Variants in ZC3H7A observed in about 807,000 individuals in gnomAD.
ZC3H7A encodes the protein zinc finger CCCH domain-containing protein 7A.
Under a neutral mutation model 125.5 loss-of-function variants are expected in ZC3H7A, and 44 were observed. The observed-to-expected ratio is 0.35, with a 90% CI of 0.28 to 0.45. ZC3H7A has a LOEUF of 0.45. Among genes scored for constraint, ZC3H7A ranks in the 20% least tolerant of loss-of-function variants. ZC3H7A has a pLI of 1.00. For synonymous variants in ZC3H7A, 399 were observed against 391.2 expected (o/e 1.02, Z -0.23); for missense variants, 977 against 1,170.7 (o/e 0.83, Z 2.41).
chr16:11,763,710 AATATATATATATATATATATATATATAT>A (rs55932357), intron 15 of ZC3H7A, 51 bp from the exon 16 acceptor site: 2,469 of 229,002 alleles, frequency 0.011, 143 homozygotes, highest in East Asian at 0.085. Flanking sequence ...AGATTTTTCA[AATATATATATATATATATATATATATAT>A]ATATATATAT....
intron 1 of ZC3H7A, among the ~76,000 whole-genome samples, chr16:11,788,573 TC>T (rs77870570): frequency 0.18 from 26,856 of 151,668 alleles, 3,166 homozygotes; most frequent in East Asian, 0.48. Context: ...GTTACCAGTC[TC>T]AGAAAAGTCC....
chr16:11,783,051 AC>A (rs1327939054), intron 1 of ZC3H7A: 6 of 152,128 alleles, frequency 3.9e-5, no homozygotes, highest in African/African-American at 1.5e-4. Flanking sequence ...CCCTGTCTAC[AC>A]GCACGCATAA....
chr16:11,788,042 T>C (rs532910734), intron 1 of ZC3H7A, among the ~76,000 whole-genome samples: 1 of 151,944 alleles, frequency 6.6e-6, no homozygotes, highest in Non-Finnish European at 1.5e-5. Context: ...CGTTTAAAAA[T>C]ATACTATCTT....
chr16:11,766,467 G>C (rs1202130493), intron 13 of ZC3H7A, among the ~76,000 whole-genome samples: 2 of 152,212 alleles, frequency 1.3e-5, no homozygotes. Flanking sequence ...CGGTAGCTGA[G>C]TCATGAGAAA....
At chr16:11,783,714 T>C (rs1296418069) in intron 1 of ZC3H7A, among the ~76,000 whole-genome samples, 4 of 152,206 alleles carry the variant, frequency 2.6e-5, no homozygotes, top group African/African-American at 4.8e-5. Context: ...CCACTCATGT[T>C]TGAAGTACAT....
intron 1 of ZC3H7A, among the ~76,000 whole-genome samples, chr16:11,791,168 GT>G (rs2141221932): frequency 6.6e-6 from 1 of 150,410 alleles, no homozygotes; most frequent in Non-Finnish European, 1.5e-5. Flanking sequence ...CCCTTCAGCA[GT>G]TGCTTGGGAC....
chr16:11,794,425 T>G (rs1459640804), intron 1 of ZC3H7A, among the ~76,000 whole-genome samples: 1 of 152,220 alleles, frequency 6.6e-6, no homozygotes, highest in Non-Finnish European at 1.5e-5. Flanking sequence ...AACTTCTGGA[T>G]TAATACTTTA....
At chr16:11,760,138 A>AAG (rs1182089500) in intron 19 of ZC3H7A, among the ~76,000 whole-genome samples, 2 of 145,600 alleles carry the variant, frequency 1.4e-5, no homozygotes, top group Non-Finnish European at 3.0e-5. Context: ...AAAAAAAAAA[A>AAG]AAAAAAAGAA....
chr16:11,780,077 T>C (rs1367370767), intron 3 of ZC3H7A, among the ~76,000 whole-genome samples: 1 of 151,910 alleles, frequency 6.6e-6, no homozygotes, highest in Non-Finnish European at 1.5e-5. Context: ...AGTTTGTCAT[T>C]TTCCTTCATT....
intron 2 of ZC3H7A, among the ~76,000 whole-genome samples, chr16:11,781,721 C>T (rs939250819): frequency 5.9e-5 from 9 of 151,272 alleles, no homozygotes; most frequent in African/African-American, 2.2e-4. Flanking sequence ...TTCAAACCTA[C>T]TTCTATTTTT....
intron 1 of ZC3H7A, among the ~76,000 whole-genome samples, chr16:11,795,052 T>C (rs762266522): frequency 7.2e-5 from 11 of 152,206 alleles, no homozygotes; most frequent in Non-Finnish European, 1.0e-4. Flanking sequence ...ATTGATAATA[T>C]TGAGCCTCAA....
rs548183806 is a variant in ZC3H7A at position 11,768,559 on chromosome 16, C to T, written c.1174-58G>A. ...ACAGCCAACAAATATTGCATTATCA[C>T]TGAAGAAAGGAACTGAATTCATCTG... On this transcript the variant is annotated intron_variant, in intron 11 of 22. Transcript: ENST00000355758. 3 of 1,364,458 alleles carry T rather than the reference C, an allele frequency of 2.2e-6. No individual in the cohort carries two copies. In the East Asian group the frequency reaches 7.1e-5, roughly 32 times the overall value. The allele number at this position is 1,364,458 out of a possible 1,614,324, so 84.5% of individuals were successfully genotyped here. A position where few individuals can be genotyped will look rare whatever the true frequency, so the allele number is the denominator to read the frequency against.
intron 21 of ZC3H7A, 101 bp downstream of exon 21, chr16:11,756,136 C>A: frequency 1.3e-6 from 2 of 1,498,656 alleles, no homozygotes; most frequent in Non-Finnish European, 1.8e-6. Context: ...GCACTCCAGC[C>A]TGGTGACACA....
Position 11,775,110 on chromosome 16 carries a change from C to T in ZC3H7A, c.586-97G>A, listed in dbSNP as rs924429798. On this transcript the variant is annotated intron_variant, in intron 7 of 22. Coordinates refer to ENST00000355758, the MANE Select transcript of ZC3H7A (RefSeq NM_014153.4). ...ACCCTAGGCCGGGCACAGTGGCTCA[C>T]GCCTGTAATCCCAGCACCTGGGGAG... The T allele has an allele frequency of 1.5e-5, 20 of 1,329,090 alleles. No homozygotes were observed. The East Asian group carries it at 1.6e-4, about 11-fold the overall frequency. The allele number at this position is 1,329,090 out of a possible 1,614,324, so 82.3% of individuals were successfully genotyped here. A position where few individuals can be genotyped will look rare whatever the true frequency, so the allele number is the denominator to read the frequency against.
At chr16:11,786,978 G>C (rs2053265829) in intron 1 of ZC3H7A, among the ~76,000 whole-genome samples, 1 of 152,164 alleles carries the variant, frequency 6.6e-6, no homozygotes, top group East Asian at 1.9e-4. Context: ...TTACAGTTTT[G>C]TTTTTTAAGG....
In ZC3H7A at chr16:11,781,651, C is replaced by CATATATATAT. The variant is rs3972315; in HGVS notation, c.69-197_69-188dup. On this transcript the variant is annotated intron_variant, in intron 2 of 22. Transcript: ENST00000355758. Reference sequence around the variant, plus strand: ...AGTTATGGGAAAAAAAATACATATACATATATATATATATATATATATACT... The same window carrying CATATATATAT: ...AGTTATGGGAAAAAAAATACATATACATATATATATATATATATATATATATATATATACT... 8.1e-4 allele frequency among the ~76,000 whole-genome samples: 118 copies of CATATATATAT among 145,032 alleles called. 1 individual carries two copies. Among genetic ancestry groups the CATATATATAT allele is most frequent in the African/African-American group, 2.8e-3 (111 of 39,938 alleles).
chr16:11,774,047 A>G (rs752054333), intron 9 of ZC3H7A, among the ~76,000 whole-genome samples, 189 bp downstream of exon 9: 7 of 152,170 alleles, frequency 4.6e-5, no homozygotes, highest in Non-Finnish European at 7.3e-5. Flanking sequence ...ACTAGATAGC[A>G]TTCTTTTTTT....
Position 11,768,204 on chromosome 16 carries a change from T to C in ZC3H7A, c.1360+111A>G, listed in dbSNP as rs922644980. Reference sequence around the variant, plus strand: ...GTTTAGGAAGAATTCAAAATAGGGATTGAAGAACCATAATAACTGATGTTG... The same window carrying C: ...GTTTAGGAAGAATTCAAAATAGGGACTGAAGAACCATAATAACTGATGTTG... On this transcript the variant is annotated intron_variant, in intron 12 of 22. Coordinates refer to ENST00000355758, the MANE Select transcript of ZC3H7A (RefSeq NM_014153.4). The C allele has an allele frequency of 5.4e-6, 6 of 1,105,864 alleles. No homozygotes were observed. In the African/African-American group the frequency reaches 8.0e-5, roughly 15 times the overall value. The allele number at this position is 1,105,864 out of a possible 1,614,324, so 68.5% of individuals were successfully genotyped here. A position where few individuals can be genotyped will look rare whatever the true frequency, so the allele number is the denominator to read the frequency against.
intron 2 of ZC3H7A, 120 bp downstream of exon 2, chr16:11,782,167 T>A: frequency 2.7e-6 from 3 of 1,099,500 alleles, no homozygotes; most frequent in Non-Finnish European, 4.0e-6. Context: ...ATATGGAGTT[T>A]CTAACCCAAA....
Sources: gnomAD v4.1 joint callset for allele counts (sites outside exome capture counted in the v4.1 genomes callset) on GRCh38, gnomAD v4.1.1 for gene constraint, MANE v1.5 for transcripts, NCBI Gene and HGNC (gene_info 2026-07-23, HGNC 2026-07-21) for gene names.